The following RASGRP1 variants were observed in gnomAD, a reference collection of about 807,000 sequenced individuals.
RASGRP1 encodes the protein RAS guanyl-releasing protein 1.
Under a neutral mutation model 95.1 loss-of-function variants are expected in RASGRP1, and 37 were observed. The observed-to-expected ratio is 0.39, with a 90% CI of 0.30 to 0.51. RASGRP1 has a LOEUF of 0.51. RASGRP1 is among the 20% of genes least tolerant of loss of function. RASGRP1 has a pLI of 0.80. For missense variants in RASGRP1, 711 were observed against 965.4 expected, an observed-to-expected ratio of 0.74 and a Z score of 3.49; for synonymous variants, 325 against 353.4, an observed-to-expected ratio of 0.92 and a Z score of 0.90.
intron 2 of RASGRP1, among the ~76,000 whole-genome samples, chr15:38,548,928 G>A (rs1253119883): frequency 1.3e-5 from 2 of 152,224 alleles, no homozygotes; most frequent in Admixed American, 1.3e-4. Context: ...GGGACAGAGA[G>A]GGTGGGGGGA....
At chr15:38,552,479 G>C (rs57967213) in intron 2 of RASGRP1, among the ~76,000 whole-genome samples, 30 of 152,046 alleles carry the variant, frequency 2.0e-4, no homozygotes, top group Admixed American at 3.3e-4. Context: ...AGTGATGTTT[G>C]TTGATTTCCA....
chr15:38,563,339 C>T (rs944666576), intron 1 of RASGRP1, among the ~76,000 whole-genome samples: 5 of 151,956 alleles, frequency 3.3e-5, no homozygotes, highest in African/African-American at 1.2e-4. Flanking sequence ...AAACCAAAAC[C>T]CCGAGAGAAA....
intron 16 of RASGRP1, among the ~76,000 whole-genome samples, chr15:38,490,942 G>A (rs780016463): frequency 6.6e-6 from 1 of 152,064 alleles, no homozygotes; most frequent in Non-Finnish European, 1.5e-5. Flanking sequence ...AACCATTTCC[G>A]AGCAATAGGT....
rs1555401595 is a variant in RASGRP1, at chr15:38,515,929, G to GTGA, written c.675+267_675+268insTCA. ...AGAGAGAGTGTGTGTGTGTGTGTGT[G>GTGA]ATGTGTGCCCACAGTATGGTAACTT... On this transcript the variant is annotated intron_variant, in intron 6 of 16. Transcript: ENST00000310803. 3.8e-3 allele frequency among the ~76,000 whole-genome samples: 564 copies of GTGA among 149,602 alleles called. 3 individuals are homozygous for GTGA. The highest frequency in any genetic ancestry group is 0.012 in the African/African-American group (473 of 40,836).
chr15:38,499,273 TTTTC>T, intron 14 of RASGRP1: 2 of 420,842 alleles, frequency 4.8e-6, no homozygotes, highest in Non-Finnish European at 4.5e-6. Context: ...TTAGGTCTTA[TTTTC>T]TTTCTTGCAG....
intron 15 of RASGRP1, among the ~76,000 whole-genome samples, chr15:38,496,908 A>C (rs2141081126): frequency 1.3e-5 from 2 of 152,334 alleles, no homozygotes; most frequent in South Asian, 4.1e-4. Flanking sequence ...CAGAATGTAT[A>C]CTATATGGAC....
At chr15:38,547,497 A>G (rs565214831) in intron 2 of RASGRP1, among the ~76,000 whole-genome samples, 8 of 152,196 alleles carry the variant, frequency 5.3e-5, no homozygotes, top group African/African-American at 1.9e-4. Context: ...TAACTTGGCA[A>G]TGCACCCTCC....
At chr15:38,497,253 A>G (rs996443701) in intron 15 of RASGRP1, among the ~76,000 whole-genome samples, 3 of 152,214 alleles carry the variant, frequency 2.0e-5, no homozygotes, top group South Asian at 2.1e-4. Flanking sequence ...TTGTGCCCCA[A>G]CCGTCCCCAA....
chr15:38,490,567 C>G lies in RASGRP1; in HGVS notation c.2381G>C (p.Gly794Ala). ...SNHVLAQMEQ[G>A]DCS ...TTAGTTTCTGGGCTAAGAACAGTCA[C>G]CCTGCTCCATTTGAGCTAAGACATG... Residue 794 changes from glycine (G) to alanine (A), a missense_variant, in exon 17 of 17, where the codon GGT (glycine) becomes GCT (alanine). By Grantham distance (60) the Gly-to-Ala change is moderately conservative. Transcript: ENST00000310803. 1 of 1,612,938 alleles carries G rather than the reference C, an allele frequency of 6.2e-7. No homozygotes were observed. The highest frequency in any genetic ancestry group is 8.5e-7 in the Non-Finnish European group (1 of 1,179,300).
At chr15:38,548,989 CCAAA>C (rs1184512717) in intron 2 of RASGRP1, among the ~76,000 whole-genome samples, 1 of 152,172 alleles carries the variant, frequency 6.6e-6, no homozygotes. Context: ...TTAAAGCAAG[CCAAA>C]CAGTCAGGTG....
chr15:38,517,406 G>C (rs543132788), intron 5 of RASGRP1, among the ~76,000 whole-genome samples: 6 of 152,276 alleles, frequency 3.9e-5, no homozygotes, highest in Non-Finnish European at 7.4e-5. Flanking sequence ...TTCAAGTTGT[G>C]TAATTTTAAG....
intron 1 of RASGRP1, among the ~76,000 whole-genome samples, chr15:38,561,829 A>G (rs1893823791): frequency 1.3e-5 from 2 of 152,236 alleles, no homozygotes; most frequent in Non-Finnish European, 2.9e-5. Flanking sequence ...GTTTCTGGCC[A>G]TAATTGATTT....
chr15:38,511,110 G>T (rs139824281), intron 8 of RASGRP1, among the ~76,000 whole-genome samples: 318 of 152,308 alleles, frequency 2.1e-3, no homozygotes, highest in African/African-American at 7.5e-3. Flanking sequence ...GGTATCTGAA[G>T]AACTCATATC....
At chr15:38,533,259 T>C (rs1892517938) in intron 2 of RASGRP1, among the ~76,000 whole-genome samples, 1 of 152,066 alleles carries the variant, frequency 6.6e-6, no homozygotes, top group Non-Finnish European at 1.5e-5. Flanking sequence ...TCAGAAAACC[T>C]AGGGGCAAGG....
chr15:38,531,186 A>G (rs889470334), intron 2 of RASGRP1, among the ~76,000 whole-genome samples: 13 of 152,254 alleles, frequency 8.5e-5, no homozygotes, highest in African/African-American at 2.9e-4. Context: ...CTCACAGCTG[A>G]GGAAATCAAA....
intron 2 of RASGRP1, among the ~76,000 whole-genome samples, chr15:38,551,920 T>A (rs986977149): frequency 2.6e-5 from 4 of 152,186 alleles, no homozygotes; most frequent in Non-Finnish European, 5.9e-5. Context: ...TAGACACCAG[T>A]AGTGCCTGTT....
At chr15:38,500,477 G>C (rs1481617935) in intron 13 of RASGRP1, among the ~76,000 whole-genome samples, 1 of 152,080 alleles carries the variant, frequency 6.6e-6, no homozygotes, top group Non-Finnish European at 1.5e-5. Flanking sequence ...AAGTAGCTGG[G>C]ACTACCAGGC....
intron 2 of RASGRP1, among the ~76,000 whole-genome samples, chr15:38,542,421 G>C (rs1892904258): frequency 6.6e-6 from 1 of 151,876 alleles, no homozygotes; most frequent in Non-Finnish European, 1.5e-5. Flanking sequence ...TCCATCAAGA[G>C]ATCCAGGGAT....
chr15:38,555,418 A>G (rs1325178786), intron 2 of RASGRP1, among the ~76,000 whole-genome samples: 1 of 152,220 alleles, frequency 6.6e-6, no homozygotes, highest in Non-Finnish European at 1.5e-5. Context: ...CTGGGGAGAC[A>G]CCAGGATTGC....
Sources: allele counts gnomAD v4.1 joint callset (sites outside exome capture counted in the v4.1 genomes callset), GRCh38; gene constraint gnomAD v4.1.1; transcripts MANE v1.5; gene names NCBI Gene and HGNC (gene_info 2026-07-23, HGNC 2026-07-21).